AHNAK: variants seen among roughly 807,000 people sequenced by gnomAD.
AHNAK encodes the protein AHNAK nucleoprotein, also known as neuroblast differentiation-associated protein AHNAK.
AHNAK carries 23 observed loss-of-function variants against 37.8 expected under a neutral mutation model. The ratio of observed to expected loss-of-function variants is 0.61; its 90% CI spans 0.44 to 0.86. The LOEUF is 0.86. Among genes scored for constraint, AHNAK ranks in the 40% least tolerant of loss-of-function variants. AHNAK has a pLI of 0.00. For missense variants in AHNAK, 7,411 were observed against 7,319.4 expected, an observed-to-expected ratio of 1.01 and a Z score of -0.46; for synonymous variants, 2,481 against 2,636.3, an observed-to-expected ratio of 0.94 and a Z score of 1.80.
intron 5 of AHNAK, among the ~76,000 whole-genome samples, chr11:62,441,646 A>G (rs2134781453): frequency 6.6e-6 from 1 of 151,804 alleles, no homozygotes; most frequent in East Asian, 2.0e-4. Context: ...GGATTACAAG[A>G]GCATGCCATC....
At chr11:62,477,253 G>A (rs1326032354) in intron 5 of AHNAK, among the ~76,000 whole-genome samples, 1 of 152,154 alleles carries the variant, frequency 6.6e-6, no homozygotes, top group East Asian at 1.9e-4. Flanking sequence ...AAAATGTGTT[G>A]ATTGTAACGC....
chr11:62,503,933 G>T lies in AHNAK; in HGVS notation c.343-12102C>A, dbSNP rs536192266. On this transcript the variant is annotated intron_variant, in intron 4 of 5. Coordinates refer to the AHNAK transcript ENST00000257247. ...GCCTGCACTTTGGGAGGCCGAGGCG[G>T]GTGGATCACCTGAGGTCAGGAGTTC... Among the ~76,000 whole-genome samples the T allele has an allele frequency of 2.6e-5, 4 of 152,218 alleles. No individual in the cohort carries two copies. In the East Asian group the frequency reaches 5.8e-4, roughly 22 times the overall value.
chr11:62,537,962 G>A (rs1404603432), intron 1 of AHNAK, among the ~76,000 whole-genome samples: 4 of 152,016 alleles, frequency 2.6e-5, no homozygotes, highest in Non-Finnish European at 5.9e-5. Flanking sequence ...GATTACGGGC[G>A]TGACCACCGC....
rs768724498 is a variant in AHNAK, at chr11:62,529,648, G to T, written c.4769C>A (p.Ala1590Asp). The change falls in exon 5 of 5, where the codon GCC (alanine) becomes GAC (aspartate). Residue 1590 changes from alanine (A) to aspartate (D), a missense_variant. Transcript: ENST00000378024. The stretch of plus-strand genomic sequence containing the variant: ...ATCTACATCAGTTTTCAGTTTAGGG[G>T]CTTTCAAATTAAGTCCAACATCAGG... ...SMPDVGLNLK[A>D]PKLKTDVDVS... The T allele has an allele frequency of 1.5e-5, 24 of 1,613,974 alleles. No homozygotes were observed. Among genetic ancestry groups the T allele is most frequent in the Non-Finnish European group, 2.0e-5 (24 of 1,180,028 alleles).
rs1305187614 is a variant in AHNAK at position 62,523,322 on chromosome 11, C to T, written c.11095G>A (p.Asp3699Asn). Residue 3699 changes from aspartate to asparagine, a missense_variant, in exon 5 of 5, where the codon GAT becomes AAT. Coordinates refer to ENST00000378024, the MANE Select transcript of AHNAK (RefSeq NM_001620.3). ...ATGTCCACCTCAGGGCCTTTTAGAT[C>T]ACCTTCCACTTTGGGCAAAGACACA... ...VVVSLPKVEG[D>N]LKGPEVDIKG... 1 of 1,613,144 alleles carries T rather than the reference C, an allele frequency of 6.2e-7. No individual in the cohort carries two copies. Among genetic ancestry groups the T allele is most frequent in the Non-Finnish European group, 8.5e-7 (1 of 1,179,746 alleles).
At chr11:62,543,110 G>A (rs1315271604) in intron 1 of AHNAK, among the ~76,000 whole-genome samples, 2 of 152,110 alleles carry the variant, frequency 1.3e-5, no homozygotes, top group Non-Finnish European at 2.9e-5. Flanking sequence ...CGGGCAGGAT[G>A]CCCCTCCCTG....
chr11:62,535,942 C>G lies in AHNAK; in HGVS notation c.154+3G>C. On this transcript the variant is annotated splice_donor_region_variant and intron_variant, in intron 3 of 4. Coordinates refer to ENST00000378024, the MANE Select transcript of AHNAK (RefSeq NM_001620.3). ...ACCCAGTCCACACCCTGGGGTGACT[C>G]ACCCTCCTTGACCACCCCAGTGCGG... The G allele has an allele frequency of 6.2e-7, 1 of 1,608,960 alleles. No homozygotes were observed. Among genetic ancestry groups the G allele is most frequent in the East Asian group, 2.2e-5 (1 of 44,574 alleles).
intron 5 of AHNAK, among the ~76,000 whole-genome samples, chr11:62,467,843 C>T (rs1272129741): frequency 6.6e-6 from 1 of 152,214 alleles, no homozygotes; most frequent in African/African-American, 2.4e-5. Context: ...AGTATATATT[C>T]AGTGGCCCAA....
Position 62,517,994 on chromosome 11 carries a change from T to C in AHNAK, c.16423A>G (p.Thr5475Ala). The stretch of plus-strand genomic sequence containing the variant: ...ATGCCTGGAAGACCTCCTCCGACAG[T>C]GGGGCCTTTGATCTCACCAGTGGCC... ...LGATGEIKGP[T>A]VGGGLPGIGV... Residue 5475 changes from threonine to alanine, a missense_variant, in exon 5 of 5, where the codon ACT (threonine) becomes GCT (alanine). Physicochemically the swap from Thr to Ala is moderately conservative, Grantham distance 58. Transcript: ENST00000378024. The C allele has an allele frequency of 6.2e-7, 1 of 1,614,198 alleles. No individual in the cohort carries two copies. Among genetic ancestry groups the C allele is most frequent in the Non-Finnish European group, 8.5e-7 (1 of 1,180,042 alleles).
At chr11:62,535,816 C>A (rs1940925763) in intron 3 of AHNAK, 129 bp downstream of exon 3, 1 of 1,285,874 alleles carries the variant, frequency 7.8e-7, no homozygotes, top group East Asian at 2.7e-5. Flanking sequence ...GTACCAACCA[C>A]CCTGATGCCA....
chr11:62,543,808 C>T (rs1021996669), intron 1 of AHNAK, among the ~76,000 whole-genome samples: 1 of 152,232 alleles, frequency 6.6e-6, no homozygotes, highest in African/African-American at 2.4e-5. Flanking sequence ...CCAAGCAGCA[C>T]ATTCTAAATC....
chr11:62,457,134 T>C (rs932330244), intron 5 of AHNAK, among the ~76,000 whole-genome samples: 31 of 152,162 alleles, frequency 2.0e-4, no homozygotes, highest in African/African-American at 7.0e-4. Context: ...AATCTTCTAC[T>C]AAATATACAA....
chr11:62,543,869 G>C, intron 1 of AHNAK, among the ~76,000 whole-genome samples: 1 of 152,338 alleles, frequency 6.6e-6, no homozygotes, highest in South Asian at 2.1e-4. Flanking sequence ...ACAGCACGGT[G>C]CCAGCCCAGC....
rs200652890 is a variant in AHNAK, at chr11:62,530,459, C to T, written c.3958G>A (p.Ala1320Thr). Residue 1320 changes from alanine (A) to threonine (T), a missense_variant, in exon 5 of 5, where the codon GCC becomes ACC. Physicochemically the swap from Ala to Thr is moderately conservative, Grantham distance 58. Transcript: ENST00000378024. ...KFKMPEMHFK[A>T]PKISMPDVDL... ...ACATCAGGCATGGAGATCTTGGGGG[C>T]CTTGAAGTGCATCTCAGGCATCTTA... 73 of 1,609,896 alleles carry T rather than the reference C, an allele frequency of 4.5e-5. No individual in the cohort carries two copies. In the East Asian group the frequency reaches 8.1e-4, roughly 18 times the overall value.
intron 5 of AHNAK, among the ~76,000 whole-genome samples, chr11:62,485,115 T>C (rs1939363283): frequency 6.6e-6 from 1 of 152,120 alleles, no homozygotes; most frequent in African/African-American, 2.4e-5. Context: ...AAAAGATTAA[T>C]TGGCCGGGAG....
In AHNAK at chr11:62,532,020, C is replaced by G; in HGVS notation, c.2397G>C (p.Gly799=). The G allele has an allele frequency of 6.2e-7, 1 of 1,612,960 alleles. No homozygotes were observed. The highest frequency in any genetic ancestry group is 8.5e-7 in the Non-Finnish European group (1 of 1,179,764). Residue 799 remains glycine (G), a synonymous_variant, in exon 5 of 5, where the codon GGG becomes GGC. Transcript: ENST00000378024. ...TCTTAAACTTGGGCCCTTTCAATTT[C>G]CCTTCTGGTTCCTCAATGCTCACAT... ...APDVSIEEPE[G]KLKGPKFKMP...
rs201951116 is a variant in AHNAK, at chr11:62,530,719, C to G, written c.3698G>C (p.Gly1233Ala). The G allele has an allele frequency of 1.4e-4, 232 of 1,613,742 alleles. 1 individual carries two copies. The highest frequency in any genetic ancestry group is 1.7e-4 in the Middle Eastern group (1 of 6,060). Residue 1233 changes from glycine (G) to alanine (A), a missense_variant, in exon 5 of 5, where the codon GGA (glycine) becomes GCA (alanine). Gly to Ala is a moderately conservative substitution (Grantham distance 60). Coordinates refer to ENST00000378024, the MANE Select transcript of AHNAK (RefSeq NM_001620.3). ...TGGGGCATCAATGTCCATTTTGGGT[C>G]CTTTGATTTCAACATCTGGCACTTT... ...EMKVPDVEIKGPKMDIDAPDV... is the reference protein window; with the variant it reads ...EMKVPDVEIKAPKMDIDAPDV...
rs1446775746 is a variant in AHNAK at position 62,486,403 on chromosome 11, G to A, written c.442+5329C>T. Among the ~76,000 whole-genome samples, 3 of 152,104 alleles carry A rather than the reference G, an allele frequency of 2.0e-5. No homozygotes were observed. In the East Asian group the frequency reaches 5.8e-4, roughly 29 times the overall value. On this transcript the variant is annotated intron_variant, in intron 5 of 5. Transcript: ENST00000257247. The stretch of plus-strand genomic sequence containing the variant: ...CAGGAGAATCGCTTGAACCCAGGAG[G>A]CGGACGTTGCGGTGAGCCAAGATTG...
At chr11:62,464,660 T>C (rs535635548) in intron 5 of AHNAK, among the ~76,000 whole-genome samples, 1 of 132,284 alleles carries the variant, frequency 7.6e-6, no homozygotes, top group South Asian at 3.4e-4. Flanking sequence ...AGACCAAGAT[T>C]CCGTCTCAAA....
Sources: gnomAD v4.1 joint callset for allele counts (sites outside exome capture counted in the v4.1 genomes callset) on GRCh38, gnomAD v4.1.1 for gene constraint, MANE v1.5 for transcripts, NCBI Gene and HGNC (gene_info 2026-07-23, HGNC 2026-07-21) for gene names.